Variants in TIGIT observed in about 807,000 individuals in gnomAD.
The protein encoded by TIGIT is T-cell immunoreceptor with Ig and ITIM domains.
Under a neutral mutation model 19.6 loss-of-function variants are expected in TIGIT, and 11 were observed. That is an observed-to-expected ratio of 0.56 (90% confidence interval 0.35 to 0.93). The LOEUF is 0.93. TIGIT is among the 40% of genes least tolerant of loss of function. TIGIT has a pLI of 0.01. For missense variants in TIGIT, 295 were observed against 303.9 expected (o/e 0.97, Z 0.22); for synonymous variants, 130 against 125.5 (o/e 1.04, Z -0.24).
rs565306517 is a variant in TIGIT, at chr3:114,308,177, A to G, written c.*46A>G. ...AAGATACACTTTTGTCTTTGCTATT[A>G]TAGATGAATATATAAGCAGCTGTAC... On this transcript the variant is annotated 3_prime_UTR_variant, in exon 4 of 4. Coordinates refer to ENST00000383671, the MANE Select transcript of TIGIT (RefSeq NM_173799.4). 11 of 1,483,358 alleles carry G rather than the reference A, an allele frequency of 7.4e-6. No homozygotes were observed. The East Asian group carries it at 1.6e-4, about 21-fold the overall frequency. The allele number at this position is 1,483,358 out of a possible 1,614,324, so 91.9% of individuals were successfully genotyped here.
chr3:114,304,365 C>T lies in TIGIT; in HGVS notation c.499-3530C>T, dbSNP rs945204253. On this transcript the variant is annotated intron_variant, in intron 3 of 3. Transcript: ENST00000383671. ...ACCCACAAAACTCAGTTTGCCATTT[C>T]TGATTTAGTAGGTTTATTCTCTGAG... 2.0e-5 allele frequency among the ~76,000 whole-genome samples: 3 copies of T among 152,182 alleles called. No individual in the cohort carries two copies. In the South Asian group the frequency reaches 6.2e-4, roughly 32 times the overall value.
rs561296660 is a variant in TIGIT, at chr3:114,294,175, G to T, written c.61+53G>T. The T allele has an allele frequency of 2.9e-5, 42 of 1,444,242 alleles. No individual in the cohort carries two copies. In the African/African-American group the frequency reaches 5.1e-4, roughly 18 times the overall value. 89.5% of individuals were successfully genotyped at this position (1,444,242 alleles called of 1,614,324 possible). A position where few individuals can be genotyped will look rare whatever the true frequency, so the allele number is the denominator to read the frequency against. On this transcript the variant is annotated intron_variant, in intron 1 of 3. Transcript: ENST00000383671. ...AGGGAGGAAAAACAAGGCTAAGCTT[G>T]GTTGGAGACTTGGGTGCTTGTGTAG... is the stretch of plus-strand genomic sequence containing the variant.
intron 2 of TIGIT, chr3:114,296,128 G>C: frequency 2.4e-6 from 1 of 419,588 alleles, no homozygotes; most frequent in Non-Finnish European, 4.3e-6. Flanking sequence ...GAGAACCACT[G>C]TTCTTATGTA....
intron 3 of TIGIT, among the ~76,000 whole-genome samples, chr3:114,303,985 A>G (rs2078514353): frequency 6.6e-6 from 1 of 151,890 alleles, no homozygotes; most frequent in African/African-American, 2.4e-5. Flanking sequence ...TTGTGTTTTG[A>G]TTTGCGTTTC....
chr3:114,298,664 G>A (rs2078470408), intron 2 of TIGIT, among the ~76,000 whole-genome samples: 1 of 152,208 alleles, frequency 6.6e-6, no homozygotes, highest in African/African-American at 2.4e-5. Flanking sequence ...CCTCAAGGCA[G>A]GAGGAACATG....
At position 114,309,247 on chromosome 3, in the gene TIGIT, C is replaced by T. The variant is rs771890877; in HGVS notation, c.*1116C>T. On this transcript the variant is annotated 3_prime_UTR_variant, in exon 4 of 4. Transcript: ENST00000383671. ...ATAAACACCTTCAAACTAACTTCTTCGAACCCTTTTATTCACTCCCTGACG... is the reference window on the plus strand; with the variant it reads ...ATAAACACCTTCAAACTAACTTCTTTGAACCCTTTTATTCACTCCCTGACG... 6.6e-6 allele frequency: 1 copy of T among 152,228 alleles called. No homozygotes were observed. The highest frequency in any genetic ancestry group is 1.9e-4 in the East Asian group (1 of 5,202). The allele number at this position is 152,228 out of a possible 1,614,324, so 9.4% of individuals were successfully genotyped here. A position where few individuals can be genotyped will look rare whatever the true frequency, so the allele number is the denominator to read the frequency against.
intron 3 of TIGIT, among the ~76,000 whole-genome samples, chr3:114,302,022 A>G (rs1196760705): frequency 2.0e-5 from 3 of 152,156 alleles, no homozygotes; most frequent in Non-Finnish European, 4.4e-5. Context: ...CTAGTTCTTC[A>G]AAGGGTAGGG....
Position 114,299,638 on chromosome 3 carries a change from G to T in TIGIT, c.433G>T (p.Ala145Ser). Residue 145 changes from alanine to serine, a missense_variant, in exon 3 of 4, where the codon GCC (alanine) becomes TCC (serine). Transcript: ENST00000383671. The part of the protein sequence containing the change: ...GARFQIPLLG[A>S]MAATLVVICT... ...CAGGTTCCAGATTCCATTGCTTGGAGCCATGGCCGCGACGCTGGTGGTCAT... is the reference window on the plus strand; with the variant it reads ...CAGGTTCCAGATTCCATTGCTTGGATCCATGGCCGCGACGCTGGTGGTCAT... 1.2e-6 allele frequency: 2 copies of T among 1,613,454 alleles called. No individual in the cohort carries two copies. The highest frequency in any genetic ancestry group is 1.7e-6 in the Non-Finnish European group (2 of 1,180,000).
intron 3 of TIGIT, 84 bp from the exon 4 acceptor site, chr3:114,307,811 G>C: frequency 7.9e-7 from 1 of 1,266,510 alleles, no homozygotes; most frequent in Admixed American, 1.8e-5. Context: ...ATGTGTGTAA[G>C]AAAGGAAGAG....
Sources: gnomAD v4.1 joint callset for allele counts (sites outside exome capture counted in the v4.1 genomes callset) on GRCh38, gnomAD v4.1.1 for gene constraint, MANE v1.5 for transcripts, NCBI Gene and HGNC (gene_info 2026-07-23, HGNC 2026-07-21) for gene names.